The following CDC42BPB variants were observed in gnomAD, a reference collection of about 807,000 sequenced individuals.
CDC42BPB encodes the protein serine/threonine-protein kinase MRCK beta.
In CDC42BPB, 37 loss-of-function variants were observed where a neutral mutation model predicts 214.9. That is an observed-to-expected ratio of 0.17 (90% CI 0.13 to 0.23). CDC42BPB has a LOEUF of 0.23. CDC42BPB is among the 10% of genes least tolerant of loss of function. The pLI, the probability that CDC42BPB is intolerant of heterozygous loss-of-function variation, is 1.00. For synonymous variants in CDC42BPB, 931 were observed against 884.0 expected (o/e 1.05, Z -0.94); for missense variants, 1,694 against 2,227.0 (o/e 0.76, Z 4.82).
intron 9 of CDC42BPB, among the ~76,000 whole-genome samples, chr14:102,977,076 T>A (rs1262939986): frequency 2.6e-5 from 4 of 152,024 alleles, no homozygotes; most frequent in African/African-American, 9.7e-5. Context: ...GCGCGGTGGC[T>A]CACGCCTGTA....
chr14:103,013,178 C>A (rs763973613), intron 1 of CDC42BPB, among the ~76,000 whole-genome samples: 2 of 152,186 alleles, frequency 1.3e-5, no homozygotes, highest in Non-Finnish European at 2.9e-5. Context: ...GACACAAGTG[C>A]GTGAGGTGAG....
At chr14:102,966,226 T>A (rs1893194471) in intron 18 of CDC42BPB, 56 bp downstream of exon 18, 2 of 1,312,446 alleles carry the variant, frequency 1.5e-6, no homozygotes, top group Non-Finnish European at 2.2e-6. Flanking sequence ...CATTTATACT[T>A]AAAACCATTA....
chr14:102,959,825 A>C, intron 20 of CDC42BPB, 115 bp from the exon 21 acceptor site: 1 of 1,076,926 alleles, frequency 9.3e-7, no homozygotes, highest in Non-Finnish European at 1.2e-6. Context: ...GATACATCTG[A>C]CATGATCACA....
chr14:103,036,153 CTTTT>C (rs564909240), intron 1 of CDC42BPB, among the ~76,000 whole-genome samples: 7 of 135,964 alleles, frequency 5.1e-5, no homozygotes, highest in African/African-American at 8.3e-5. Flanking sequence ...ATAAAATATT[CTTTT>C]TTTTTTTTTT....
chr14:102,994,872 G>A (rs949108889), intron 5 of CDC42BPB, among the ~76,000 whole-genome samples: 4 of 152,218 alleles, frequency 2.6e-5, no homozygotes, highest in Non-Finnish European at 5.9e-5. Flanking sequence ...AACCAGCAGA[G>A]GTCTGATTCC....
intron 8 of CDC42BPB, 59 bp downstream of exon 8, chr14:102,980,714 A>G: frequency 1.3e-6 from 2 of 1,536,208 alleles, no homozygotes; most frequent in South Asian, 2.3e-5. Context: ...CGCCCTCAAC[A>G]CAGCACTGCA....
At chr14:103,045,775 G>T (rs147469091) in intron 1 of CDC42BPB, among the ~76,000 whole-genome samples, 3 of 152,122 alleles carry the variant, frequency 2.0e-5, no homozygotes, top group South Asian at 2.1e-4. Context: ...GAGCTGGGGC[G>T]TCTCGCACAC....
At chr14:102,966,862 C>T (rs1167817945) in intron 17 of CDC42BPB, among the ~76,000 whole-genome samples, 184 bp downstream of exon 17, 4 of 152,238 alleles carry the variant, frequency 2.6e-5, no homozygotes, top group African/African-American at 9.6e-5. Flanking sequence ...CGTATCTCCA[C>T]CTCTATTCCA....
intron 20 of CDC42BPB, among the ~76,000 whole-genome samples, chr14:102,962,522 G>C (rs1431369159): frequency 6.6e-6 from 1 of 152,208 alleles, no homozygotes; most frequent in Non-Finnish European, 1.5e-5. Flanking sequence ...TGTGTGCCTA[G>C]ATTTGTGTGG....
rs45512495 is a variant in CDC42BPB, at chr14:102,964,603, C to T, written c.2625G>A (p.Ala875=). Reference sequence around the variant, plus strand: ...CCAGGGCCGACTGCAGCTCCAGCCGCGCGGACATGTCCAGCTTCTGGCTGC... The same window carrying T: ...CCAGGGCCGACTGCAGCTCCAGCCGTGCGGACATGTCCAGCTTCTGGCTGC... ...VRRSQKLDMS[A]RLELQSALEA... is the part of the protein sequence containing the mutation. Residue 875 remains alanine (A), a synonymous_variant, in exon 19 of 37, where the codon GCG becomes GCA. Coordinates refer to ENST00000361246, the MANE Select transcript of CDC42BPB (RefSeq NM_006035.4). The T allele has an allele frequency of 2.3e-3, 3,713 of 1,613,926 alleles. 3 individuals carry two copies. Among genetic ancestry groups the T allele is most frequent in the Non-Finnish European group, 3.0e-3 (3,562 of 1,179,982 alleles).
chr14:102,958,829 C>A (rs764090604), intron 21 of CDC42BPB, among the ~76,000 whole-genome samples: 1 of 151,820 alleles, frequency 6.6e-6, no homozygotes, highest in African/African-American at 2.4e-5. Flanking sequence ...TATTTTTATT[C>A]GCTCTAGTGT....
At chr14:103,023,742 T>C (rs1886896597) in intron 1 of CDC42BPB, among the ~76,000 whole-genome samples, 1 of 152,224 alleles carries the variant, frequency 6.6e-6, no homozygotes, top group African/African-American at 2.4e-5. Context: ...TATACACTTT[T>C]ATTAAGTCAA....
chr14:103,056,830 G>C (rs1889003212), intron 1 of CDC42BPB, among the ~76,000 whole-genome samples, 169 bp downstream of exon 1: 1 of 151,882 alleles, frequency 6.6e-6, no homozygotes, highest in African/African-American at 2.4e-5. Flanking sequence ...AGAGAGATGG[G>C]CTGCGGGCCT....
At chr14:103,030,432 A>G (rs1887301579) in intron 1 of CDC42BPB, among the ~76,000 whole-genome samples, 1 of 152,252 alleles carries the variant, frequency 6.6e-6, no homozygotes, top group Non-Finnish European at 1.5e-5. Flanking sequence ...ACAGTGGCTT[A>G]TGCCTGTAAT....
At chr14:102,977,821 C>T (rs1289076638) in intron 9 of CDC42BPB, among the ~76,000 whole-genome samples, 1 of 152,162 alleles carries the variant, frequency 6.6e-6, no homozygotes, top group Admixed American at 6.5e-5. Flanking sequence ...CCATCACGAG[C>T]ATGAATGGTT....
At chr14:102,974,754 G>A (rs1314710609) in intron 11 of CDC42BPB, among the ~76,000 whole-genome samples, 7 of 152,094 alleles carry the variant, frequency 4.6e-5, no homozygotes, top group East Asian at 1.9e-4. Flanking sequence ...TCAGGAGATC[G>A]AGACCATCCT....
intron 4 of CDC42BPB, among the ~76,000 whole-genome samples, chr14:103,003,283 C>T (rs144289241): frequency 1.3e-5 from 2 of 152,318 alleles, no homozygotes; most frequent in East Asian, 1.9e-4. Flanking sequence ...AGGCGGTCTG[C>T]GGGTCACTCA....
chr14:102,940,799 C>T (rs1891857048), intron 30 of CDC42BPB: 2 of 220,264 alleles, frequency 9.1e-6, no homozygotes, highest in Non-Finnish European at 9.2e-6. Context: ...GGCAACAACC[C>T]TGCCTGTCTG....
In CDC42BPB at chr14:102,940,210, C is replaced by A. The variant is rs773685281; in HGVS notation, c.4506+17G>T. ...GGAGAAGCCCGCCCGCACAGGAGGGCACCGAGGCCGCCTTACCCTCCGCAG... is the reference window on the plus strand; with the variant it reads ...GGAGAAGCCCGCCCGCACAGGAGGGAACCGAGGCCGCCTTACCCTCCGCAG... On this transcript the variant is annotated intron_variant, in intron 31 of 36. Transcript: ENST00000361246. The A allele has an allele frequency of 2.2e-5, 36 of 1,608,458 alleles. No homozygotes were observed. In the African/African-American group the frequency reaches 4.7e-4, roughly 21 times the overall value.
Sources: gnomAD v4.1 joint callset for allele counts (sites outside exome capture counted in the v4.1 genomes callset) on GRCh38, gnomAD v4.1.1 for gene constraint, MANE v1.5 for transcripts, NCBI Gene and HGNC (gene_info 2026-07-23, HGNC 2026-07-21) for gene names.